The following CTTNBP2NL variants were observed in gnomAD, a reference collection of about 807,000 sequenced individuals.
CTTNBP2NL encodes CTTNBP2 N-terminal-like protein.
In CTTNBP2NL, 16 loss-of-function variants were observed where a neutral mutation model predicts 32.5. The observed-to-expected ratio is 0.49, with a 90% confidence interval of 0.33 to 0.75. The LOEUF is 0.75. Ranked by LOEUF, CTTNBP2NL falls within the 30% of genes least tolerant of loss-of-function variation. The probability of loss-of-function intolerance (pLI) is 0.02; values close to 1 mark genes in which losing one functional copy is unlikely to be tolerated. For missense variants in CTTNBP2NL, 645 were observed against 756.0 expected (o/e 0.85, Z 1.72); for synonymous variants, 298 against 289.4 (o/e 1.03, Z -0.30).
At chr1:112,403,498 G>C (rs1339941208) in intron 1 of CTTNBP2NL, among the ~76,000 whole-genome samples, 1 of 152,208 alleles carries the variant, frequency 6.6e-6, no homozygotes, top group African/African-American at 2.4e-5. Context: ...ACAGAAGACA[G>C]ATATGTAAAC....
At chr1:112,439,834 T>G (rs951870081) in intron 3 of CTTNBP2NL, among the ~76,000 whole-genome samples, 10 of 152,224 alleles carry the variant, frequency 6.6e-5, no homozygotes, top group Admixed American at 5.9e-4. Context: ...ACCCACCCAC[T>G]TCCAGGGTTG....
Position 112,460,968 on chromosome 1 carries a change from C to T in CTTNBP2NL, c.*3556C>T, listed in dbSNP as rs1373916015. On this transcript the variant is annotated 3_prime_UTR_variant, in exon 6 of 6. Coordinates refer to ENST00000271277, the MANE Select transcript of CTTNBP2NL (RefSeq NM_018704.3). ...ATGCTTAGTCCTTGAAATGGAACTTCAACTGTCTTTCAAAACACTGGCTTC... is the reference window on the plus strand; with the variant it reads ...ATGCTTAGTCCTTGAAATGGAACTTTAACTGTCTTTCAAAACACTGGCTTC... The T allele has an allele frequency of 6.6e-6, 1 of 152,070 alleles. No individual in the cohort carries two copies. Among genetic ancestry groups the T allele is most frequent in the Admixed American group, 6.6e-5 (1 of 15,246 alleles). The allele number at this position is 152,070 out of a possible 1,614,324, so 9.4% of individuals were successfully genotyped here.
At chr1:112,411,877 G>A (rs533217976) in intron 1 of CTTNBP2NL, among the ~76,000 whole-genome samples, 2 of 152,228 alleles carry the variant, frequency 1.3e-5, no homozygotes, top group African/African-American at 2.4e-5. Flanking sequence ...TTAAGTCATG[G>A]TGATTCAAGC....
chr1:112,421,355 C>T (rs1649226543), intron 3 of CTTNBP2NL, among the ~76,000 whole-genome samples: 1 of 134,458 alleles, frequency 7.4e-6, no homozygotes, highest in African/African-American at 2.8e-5. Context: ...GGCTGGAGTG[C>T]AGTGGCACAA....
In CTTNBP2NL at chr1:112,457,309, C is replaced by T. The variant is rs761872511; in HGVS notation, c.1817C>T (p.Ala606Val). 6.2e-7 allele frequency: 1 copy of T among 1,614,218 alleles called. No homozygotes were observed. The highest frequency in any genetic ancestry group is 1.6e-4 in the Middle Eastern group (1 of 6,062). ...TTPLTKTHSQ[A>V]ASLTTAEDLA... Reference sequence around the variant, plus strand: ...CCATTGACCAAAACTCATTCCCAGGCAGCCTCTTTGACCACTGCAGAAGAC... The same window carrying T: ...CCATTGACCAAAACTCATTCCCAGGTAGCCTCTTTGACCACTGCAGAAGAC... Residue 606 changes from alanine to valine, a missense_variant, in exon 6 of 6, where the codon GCA becomes GTA. Coordinates refer to ENST00000271277, the MANE Select transcript of CTTNBP2NL (RefSeq NM_018704.3).
intron 3 of CTTNBP2NL, among the ~76,000 whole-genome samples, chr1:112,417,068 C>A (rs1649089889): frequency 6.6e-6 from 1 of 152,154 alleles, no homozygotes; most frequent in African/African-American, 2.4e-5. Context: ...CTGTCTCAAT[C>A]CCTTCATAAT....
chr1:112,454,435 A>G lies in CTTNBP2NL; in HGVS notation c.331-14A>G. The G allele has an allele frequency of 6.3e-7, 1 of 1,598,732 alleles. No homozygotes were observed. The highest frequency in any genetic ancestry group is 8.6e-7 in the Non-Finnish European group (1 of 1,169,418). On this transcript the variant is annotated splice_polypyrimidine_tract_variant and intron_variant, in intron 4 of 5. Transcript: ENST00000271277. ...CTTGATATTTGAAAATGAAATTTAA[A>G]AAATTCTTTAAAGGTGATCCTAGAC... is the stretch of plus-strand genomic sequence containing the variant.
intron 2 of CTTNBP2NL, among the ~76,000 whole-genome samples, chr1:112,412,994 G>C (rs1648927547): frequency 6.6e-6 from 1 of 152,102 alleles, no homozygotes; most frequent in African/African-American, 2.4e-5. Flanking sequence ...TAAACACAGA[G>C]ATAATAAAAG....
intron 2 of CTTNBP2NL, among the ~76,000 whole-genome samples, chr1:112,413,770 G>A (rs1648957293): frequency 6.6e-6 from 1 of 152,286 alleles, no homozygotes; most frequent in African/African-American, 2.4e-5. Flanking sequence ...AATAGAGGCT[G>A]GGCGTGGTGG....
At chr1:112,408,371 C>T (rs1648748380) in intron 1 of CTTNBP2NL, among the ~76,000 whole-genome samples, 1 of 151,870 alleles carries the variant, frequency 6.6e-6, no homozygotes, top group Admixed American at 6.6e-5. Context: ...GGCACATTGA[C>T]ATGTTTTACT....
intron 3 of CTTNBP2NL, among the ~76,000 whole-genome samples, chr1:112,423,842 G>A (rs1649311685): frequency 6.6e-6 from 1 of 152,102 alleles, no homozygotes; most frequent in Admixed American, 6.6e-5. Context: ...TCCTGCCTCT[G>A]CCTCCCAAGT....
rs113244657 is a variant in CTTNBP2NL at position 112,459,155 on chromosome 1, G to A, written c.*1743G>A. 3 of 152,238 alleles carry A rather than the reference G, an allele frequency of 2.0e-5. No homozygotes were observed. The highest frequency in any genetic ancestry group is 2.4e-5 in the African/African-American group (1 of 41,466). 9.4% of individuals were successfully genotyped at this position (152,238 alleles called of 1,614,324 possible). A position where few individuals can be genotyped will look rare whatever the true frequency, so the allele number is the denominator to read the frequency against. Reference sequence around the variant, plus strand: ...GTCTGCAGCTGGATTTAGCTTGCAAGCTGCCAAGTTGCAACCTCTTTCATT... The same window carrying A: ...GTCTGCAGCTGGATTTAGCTTGCAAACTGCCAAGTTGCAACCTCTTTCATT... On this transcript the variant is annotated 3_prime_UTR_variant, in exon 6 of 6. Transcript: ENST00000271277.
chr1:112,404,604 G>T (rs1648604733), intron 1 of CTTNBP2NL, among the ~76,000 whole-genome samples: 1 of 152,136 alleles, frequency 6.6e-6, no homozygotes, highest in African/African-American at 2.4e-5. Flanking sequence ...TTGTTCCCTT[G>T]TGGTATTTTA....
rs185371944 is a variant in CTTNBP2NL, at chr1:112,416,783, C to T, written c.99+519C>T. On this transcript the variant is annotated intron_variant, in intron 3 of 5. Coordinates refer to ENST00000271277, the MANE Select transcript of CTTNBP2NL (RefSeq NM_018704.3). ...CTGAAATTACAGGTGTGAGCCACCACGCCCGGCAGAATTTCATTCTTTTAG... is the reference window on the plus strand; with the variant it reads ...CTGAAATTACAGGTGTGAGCCACCATGCCCGGCAGAATTTCATTCTTTTAG... Among the ~76,000 whole-genome samples, 904 of 152,266 alleles carry T rather than the reference C, an allele frequency of 5.9e-3. 7 individuals are homozygous for T. The highest frequency in any genetic ancestry group is 0.02 in the African/African-American group (842 of 41,544).
chr1:112,432,596 A>C (rs1649600497), intron 3 of CTTNBP2NL, among the ~76,000 whole-genome samples: 1 of 151,872 alleles, frequency 6.6e-6, no homozygotes, highest in African/African-American at 2.4e-5. Flanking sequence ...TTCTAAGAGT[A>C]ATGCCACTTG....
At position 112,455,952 on chromosome 1, in the gene CTTNBP2NL, GTGAAAAAGTT is replaced by G; in HGVS notation, c.469_478del (p.Phe157AsnfsTer23). On this transcript the variant is annotated frameshift_variant, in exon 6 of 6. Transcript: ENST00000271277. LOFTEE classifies it high-confidence loss of function. ...CTAGTTGGAATTTGAAAAATCCCAA[GTGAAAAAGTT>G]TGAAAAAGAACAGAAGAAGCTCTCT... 6.3e-7 allele frequency: 1 copy of G among 1,580,778 alleles called. No individual in the cohort carries two copies. Among genetic ancestry groups the G allele is most frequent in the Non-Finnish European group, 8.6e-7 (1 of 1,167,880 alleles).
intron 3 of CTTNBP2NL, among the ~76,000 whole-genome samples, chr1:112,440,466 A>G (rs1649862901): frequency 6.6e-6 from 1 of 152,168 alleles, no homozygotes; most frequent in Non-Finnish European, 1.5e-5. Flanking sequence ...AACTTTTTGG[A>G]CAGTAACACA....
At chr1:112,391,738 C>G (rs1445784942), upstream of CTTNBP2NL, among the ~76,000 whole-genome samples, 1 of 152,110 alleles carries the variant, frequency 6.6e-6, no homozygotes, top group Non-Finnish European at 1.5e-5. Flanking sequence ...TCCTGTAATC[C>G]CAACACTTTG....
rs773881186 is a variant in CTTNBP2NL at position 112,409,096 on chromosome 1, C to T, written c.-133-3098C>T. ...TGAGCCAAGGTTGTGCCAGTGCACT[C>T]CAGCCTGGGCAACCAAGTGAGACTC... is the stretch of plus-strand genomic sequence containing the variant. On this transcript the variant is annotated intron_variant, in intron 1 of 5. Transcript: ENST00000271277. Among the ~76,000 whole-genome samples, 126 of 146,056 alleles carry T rather than the reference C, an allele frequency of 8.6e-4. 1 individual carries two copies. The highest frequency in any genetic ancestry group is 1.5e-3 in the Non-Finnish European group (104 of 67,404).
Sources: gnomAD v4.1 joint callset for allele counts (sites outside exome capture counted in the v4.1 genomes callset) on GRCh38, gnomAD v4.1.1 for gene constraint, MANE v1.5 for transcripts, NCBI Gene and HGNC (gene_info 2026-07-23, HGNC 2026-07-21) for gene names.